The following INPP5E variants were observed in gnomAD, a reference collection of about 807,000 sequenced individuals.
INPP5E encodes phosphatidylinositol polyphosphate 5-phosphatase type IV.
INPP5E carries 34 observed loss-of-function variants against 50.5 expected under a neutral mutation model. The ratio of observed to expected loss-of-function variants is 0.67; its 90% CI spans 0.51 to 0.90. The LOEUF (loss-of-function observed/expected upper bound fraction) is 0.90. Among genes scored for constraint, INPP5E ranks in the 40% least tolerant of loss-of-function variants. The pLI is 0.00. For missense variants in INPP5E, 942 were observed against 905.5 expected (o/e 1.04, Z -0.52); for synonymous variants, 447 against 406.0 (o/e 1.10, Z -1.21).
In INPP5E at chr9:136,429,183, C is replaced by T. The variant is rs1835640641; in HGVS notation, c.*492G>A. On this transcript the variant is annotated 3_prime_UTR_variant, in exon 10 of 10. Coordinates refer to ENST00000371712, the MANE Select transcript of INPP5E (RefSeq NM_019892.6). ...AGAGGTCTGAGGCCCCAGGGGTCAC[C>T]TAGCCCAGATCCAGCCTTGCTCTGG... is the stretch of plus-strand genomic sequence containing the variant. 4.2e-6 allele frequency: 1 copy of T among 237,336 alleles called. No homozygotes were observed. Among genetic ancestry groups the T allele is most frequent in the South Asian group, 5.9e-5 (1 of 16,808 alleles). The allele number at this position is 237,336 out of a possible 1,614,324, so 14.7% of individuals were successfully genotyped here. A position where few individuals can be genotyped will look rare whatever the true frequency, so the allele number is the denominator to read the frequency against.
rs1165929856 is a variant in INPP5E at position 136,438,783 on chromosome 9, C to A, written c.637G>T (p.Asp213Tyr). 6.2e-7 allele frequency: 1 copy of A among 1,612,140 alleles called. No individual in the cohort carries two copies. Among genetic ancestry groups the A allele is most frequent in the Non-Finnish European group, 8.5e-7 (1 of 1,179,658 alleles). Residue 213 changes from aspartate (D) to tyrosine (Y), a missense_variant, in exon 1 of 10, where the codon GAC becomes TAC. Coordinates refer to ENST00000371712, the MANE Select transcript of INPP5E (RefSeq NM_019892.6). ...AGCTTGTAGTCTGCAAGATCCGAGT[C>A]GACCTTGTTTGCTGTCCTCAGGGAG... ...SDSLRTANKVDSDLADYKLRA... is the reference protein window; with the variant it reads ...SDSLRTANKVYSDLADYKLRA...
At chr9:136,432,404 A>G in intron 6 of INPP5E, 75 bp downstream of exon 6, 1 of 953,642 alleles carries the variant, frequency 1.0e-6, no homozygotes. Flanking sequence ...GCCTCTTCAG[A>G]ACTGCCCTAA....
intron 5 of INPP5E, among the ~76,000 whole-genome samples, 183 bp downstream of exon 5, chr9:136,432,773 C>T (rs932759775): frequency 9.9e-5 from 15 of 152,226 alleles, no homozygotes; most frequent in African/African-American, 3.6e-4. Flanking sequence ...CAGCACGGCA[C>T]GCCCTCGGTG....
chr9:136,429,225 G>T lies in INPP5E; in HGVS notation c.*450C>A. ...TTGCTCTGGATACCCGTGTGACATG[G>T]GGTGGTGTGTGTTTGAGGGGCTGCC... On this transcript the variant is annotated 3_prime_UTR_variant, in exon 10 of 10. Coordinates refer to ENST00000371712, the MANE Select transcript of INPP5E (RefSeq NM_019892.6). 3.4e-6 allele frequency: 1 copy of T among 298,158 alleles called. No homozygotes were observed. Among genetic ancestry groups the T allele is most frequent in the Non-Finnish European group, 6.6e-6 (1 of 150,574 alleles). 18.5% of individuals were successfully genotyped at this position (298,158 alleles called of 1,614,324 possible).
At chr9:136,430,877 G>C (rs993935996) in intron 8 of INPP5E, 125 bp downstream of exon 8, 20 of 733,444 alleles carry the variant, frequency 2.7e-5, no homozygotes, top group Non-Finnish European at 4.6e-5. Flanking sequence ...CAAGGCCAAG[G>C]TGCAGAGCTG....
chr9:136,432,487 G>C lies in INPP5E; in HGVS notation c.1379C>G (p.Ser460Cys). ...RNVPDTNPYR[S>C]SAADVTTRFD... ...AGCGTGGACGCCCTCACCTGCGCTG[G>C]AGCGATAGGGGTTGGTGTCGGGCAC... Residue 460 changes from serine to cysteine, a missense_variant, in exon 6 of 10, where the codon TCC becomes TGC. Transcript: ENST00000371712. The C allele has an allele frequency of 6.5e-7, 1 of 1,548,552 alleles. No homozygotes were observed. The highest frequency in any genetic ancestry group is 8.7e-7 in the Non-Finnish European group (1 of 1,144,952).
At chr9:136,433,440 A>G (rs1835760515) in intron 3 of INPP5E, among the ~76,000 whole-genome samples, 161 bp from the exon 4 acceptor site, 1 of 152,128 alleles carries the variant, frequency 6.6e-6, no homozygotes, top group Non-Finnish European at 1.5e-5. Flanking sequence ...CTGGTGGGCC[A>G]GAGTTGGGAC....
intron 1 of INPP5E, among the ~76,000 whole-genome samples, chr9:136,435,260 C>A (rs991160094): frequency 1.3e-5 from 2 of 152,138 alleles, no homozygotes; most frequent in South Asian, 4.2e-4. Context: ...CCAGGCAGGA[C>A]GGTCTAAGAT....
In INPP5E at chr9:136,428,727, T is replaced by C. The variant is rs886116428; in HGVS notation, c.*948A>G. 1.3e-5 allele frequency: 2 copies of C among 152,636 alleles called. No homozygotes were observed. Among genetic ancestry groups the C allele is most frequent in the Non-Finnish European group, 2.9e-5 (2 of 68,046 alleles). 9.5% of individuals were successfully genotyped at this position (152,636 alleles called of 1,614,324 possible). On this transcript the variant is annotated 3_prime_UTR_variant, in exon 10 of 10. Coordinates refer to ENST00000371712, the MANE Select transcript of INPP5E (RefSeq NM_019892.6). ...TTCACACATTCAAAGACTACATTTT[T>C]TCAAGAGATGGAATGGGACACAAAG...
In INPP5E at chr9:136,431,956, A is replaced by G; in HGVS notation, c.1417T>C (p.Phe473Leu). ...ADVTTRFDEV[F>L]WFGDFNFRLS... ...CGGAAGTTGAAGTCTCCAAACCAGA[A>G]CACCTCATCGAAGCGGGTGGTGACG... Residue 473 changes from phenylalanine to leucine, a missense_variant, in exon 7 of 10, where the codon TTC becomes CTC. Physicochemically the swap from Phe to Leu is conservative, Grantham distance 22. Transcript: ENST00000371712. 6.2e-7 allele frequency: 1 copy of G among 1,612,022 alleles called. No homozygotes were observed. The highest frequency in any genetic ancestry group is 8.5e-7 in the Non-Finnish European group (1 of 1,179,696).
intron 1 of INPP5E, chr9:136,437,595 C>T (rs1835857635): frequency 6.6e-6 from 1 of 152,252 alleles, no homozygotes; most frequent in Non-Finnish European, 1.5e-5. Context: ...AGACTTCTGG[C>T]CTCTAGAACT....
intron 3 of INPP5E, 29 bp from the exon 4 acceptor site, chr9:136,433,308 G>A: frequency 1.9e-6 from 3 of 1,558,810 alleles, no homozygotes; most frequent in South Asian, 1.2e-5. Flanking sequence ...GGCCGGCTGG[G>A]GGACATGGCC....
chr9:136,438,715 G>T lies in INPP5E; in HGVS notation c.705C>A (p.Gly235=). ...CCAGGGGGCTCCGCGGCCGGCCGGG[G>T]CCCAGGCTGCTGTGGGCCCGCACCA... The part of the protein sequence containing the change: ...PLLVRAHSSL[G]PGRPRSPLAC... The change falls in exon 1 of 10, where the codon GGC becomes GGA. Residue 235 remains glycine, a synonymous_variant. Transcript: ENST00000371712. The T allele has an allele frequency of 6.2e-7, 1 of 1,607,652 alleles. No homozygotes were observed. The highest frequency in any genetic ancestry group is 8.5e-7 in the Non-Finnish European group (1 of 1,177,604).
intron 2 of INPP5E, 132 bp downstream of exon 2, chr9:136,434,608 G>A: frequency 8.0e-7 from 1 of 1,244,218 alleles, no homozygotes; most frequent in Non-Finnish European, 1.1e-6. Flanking sequence ...ACTGCGGTTA[G>A]CAGTGGGGTG....
chr9:136,429,801 C>G lies in INPP5E; in HGVS notation c.1809G>C (p.Pro603=). The G allele has an allele frequency of 6.2e-7, 1 of 1,611,466 alleles. No homozygotes were observed. The highest frequency in any genetic ancestry group is 1.1e-5 in the South Asian group (1 of 91,044). Residue 603 remains proline, a synonymous_variant, in exon 10 of 10, where the codon CCG becomes CCC. Coordinates refer to ENST00000371712, the MANE Select transcript of INPP5E (RefSeq NM_019892.6). ...CTCTATCAAATTTGCCAGCTGCCAA[C>G]GGAATGCTGTGGAGGAGGAGGGGGC... ...VKVRPGRDNI[P]LAAGKFDREL...
chr9:136,432,808 C>A, intron 5 of INPP5E, 148 bp downstream of exon 5: 1 of 1,123,760 alleles, frequency 8.9e-7, no homozygotes, highest in African/African-American at 1.5e-5. Context: ...GGGTCCTTGG[C>A]GTGCATCTTA....
Position 136,439,056 on chromosome 9 carries a change from CG to C in INPP5E, c.363del (p.Ala123ProfsTer11). 1 of 1,567,998 alleles carries C rather than the reference CG, an allele frequency of 6.4e-7. No individual in the cohort carries two copies. The highest frequency in any genetic ancestry group is 1.2e-5 in the South Asian group (1 of 85,728). On this transcript the variant is annotated frameshift_variant, in exon 1 of 10. Transcript: ENST00000371712. LOFTEE classifies it high-confidence loss of function. ...GGGGAGCAGCTGTGGGCGGGGGCCC[CG>C]GGGCCCTCGCTCTGCACTGAGCCCC... ...PSRGSVQSEG[P>X]GAPAHSCSPP...
In INPP5E at chr9:136,429,629, A is replaced by G. The variant is rs777844004; in HGVS notation, c.*46T>C. 3.1e-6 allele frequency: 5 copies of G among 1,610,562 alleles called. No homozygotes were observed. Among genetic ancestry groups the G allele is most frequent in the African/African-American group, 1.3e-5 (1 of 74,912 alleles). On this transcript the variant is annotated 3_prime_UTR_variant, in exon 10 of 10. Transcript: ENST00000371712. ...TGTCCTTCCCAGTGGGTTTTGATCA[A>G]TACAATCACCCCACGTTGCAGCTGT...
chr9:136,436,794 T>C (rs1171931060), intron 1 of INPP5E: 1 of 152,270 alleles, frequency 6.6e-6, no homozygotes, highest in Non-Finnish European at 1.5e-5. Flanking sequence ...CCACTGTCTG[T>C]GTCTCCCCCT....
Sources: gnomAD v4.1 joint callset for allele counts (sites outside exome capture counted in the v4.1 genomes callset) on GRCh38, gnomAD v4.1.1 for gene constraint, MANE v1.5 for transcripts, NCBI Gene and HGNC (gene_info 2026-07-23, HGNC 2026-07-21) for gene names.